TRAPPC10: variants seen among roughly 807,000 people sequenced by gnomAD.
The protein encoded by TRAPPC10 is trafficking protein particle complex subunit 10.
A neutral mutation model predicts 125.5 loss-of-function variants in TRAPPC10; 23 were observed. The ratio of observed to expected loss-of-function variants is 0.18; its 90% CI spans 0.13 to 0.26. The LOEUF (loss-of-function observed/expected upper bound fraction) is 0.26, where lower values mean the gene tolerates loss of function less well. Among genes scored for constraint, TRAPPC10 ranks in the 10% least tolerant of loss-of-function variants. The probability of loss-of-function intolerance (pLI) is 1.00; values close to 1 mark genes in which losing one functional copy is unlikely to be tolerated. For missense variants in TRAPPC10, 1,123 were observed against 1,308.4 expected (o/e 0.86, Z 2.19); for synonymous variants, 509 against 518.0 (o/e 0.98, Z 0.24).
intron 7 of TRAPPC10, among the ~76,000 whole-genome samples, chr21:44,071,155 T>C (rs2036837182): frequency 1.3e-5 from 2 of 152,226 alleles, no homozygotes; most frequent in South Asian, 4.1e-4. Context: ...GATTTCATTA[T>C]ATGAAGTTCA....
intron 2 of TRAPPC10, among the ~76,000 whole-genome samples, chr21:44,035,989 T>C (rs926259009): frequency 6.6e-6 from 1 of 151,880 alleles, no homozygotes; most frequent in African/African-American, 2.4e-5. Context: ...TGGGAGAGCA[T>C]GGAGGAAAAG....
chr21:44,042,319 A>G (rs1362533103), intron 3 of TRAPPC10, among the ~76,000 whole-genome samples: 1 of 152,012 alleles, frequency 6.6e-6, no homozygotes, highest in African/African-American at 2.4e-5. Flanking sequence ...CTTTAAATAT[A>G]TCCCATTGTT....
rs76966980 is a variant in TRAPPC10 at position 44,042,052 on chromosome 21, C to T, written c.285+4125C>T. On this transcript the variant is annotated intron_variant, in intron 3 of 22. Transcript: ENST00000291574. ...TATTTTGTATATTTGTGCTTTCTCT[C>T]TTTCTTCCTTGATTAAATTAGCTAG... 2.7e-3 allele frequency among the ~76,000 whole-genome samples: 418 copies of T among 152,300 alleles called. 2 individuals are homozygous for T. The highest frequency in any genetic ancestry group is 9.7e-3 in the African/African-American group (402 of 41,574).
chr21:44,034,897 A>G (rs2238712), intron 2 of TRAPPC10, among the ~76,000 whole-genome samples: 51,547 of 152,110 alleles, frequency 0.34, 13,060 homozygotes, highest in African/African-American at 0.71. Context: ...CTGGGAGAGA[A>G]GCAAGGAACC....
At chr21:44,057,383 T>G (rs1555942558) in intron 5 of TRAPPC10, among the ~76,000 whole-genome samples, 1 of 151,872 alleles carries the variant, frequency 6.6e-6, no homozygotes, top group Non-Finnish European at 1.5e-5. Flanking sequence ...CACTGCAACC[T>G]CCATCTCCCA....
intron 6 of TRAPPC10, among the ~76,000 whole-genome samples, chr21:44,061,276 A>G (rs1046849972): frequency 7.2e-5 from 11 of 152,044 alleles, no homozygotes; most frequent in Non-Finnish European, 1.5e-4. Context: ...AGCTGCGACT[A>G]CAGGTGCCCG....
chr21:44,063,106 T>C lies in TRAPPC10; in HGVS notation c.791-432T>C, dbSNP rs2036178560. ...GAGTTAGGGAAATAAGGAAGGAATA[T>C]GTAATCTAAGGAAGACCAAAAAACA... On this transcript the variant is annotated intron_variant, in intron 6 of 22. Coordinates refer to ENST00000291574, the MANE Select transcript of TRAPPC10 (RefSeq NM_003274.5). This position sits in a 1 kb window ranked among gnomAD's most constrained non-coding sequence, Gnocchi z 4.4. 1 of 1,304,762 alleles carries C rather than the reference T, an allele frequency of 7.7e-7. No individual in the cohort carries two copies. The highest frequency in any genetic ancestry group is 1.0e-6 in the Non-Finnish European group (1 of 989,874). The allele number at this position is 1,304,762 out of a possible 1,614,324, so 80.8% of individuals were successfully genotyped here.
At chr21:44,062,522 T>G in intron 6 of TRAPPC10, 2 of 984,498 alleles carry the variant, frequency 2.0e-6, no homozygotes, top group Non-Finnish European at 2.4e-6. Flanking sequence ...AATGTGGGAG[T>G]GCCCCGTGAG....
rs2033626833 is a variant in TRAPPC10, at chr21:44,032,162, G to A, written c.139G>A (p.Glu47Lys). 2 of 1,613,578 alleles carry A rather than the reference G, an allele frequency of 1.2e-6. No homozygotes were observed. The highest frequency in any genetic ancestry group is 1.7e-6 in the Non-Finnish European group (2 of 1,179,814). Reference sequence around the variant, plus strand: ...TCAGCAGCTTCCAAGAGAACCAATGGAATGGAGAAGGTATGAGTTGTGTGT... The same window carrying A: ...TCAGCAGCTTCCAAGAGAACCAATGAAATGGAGAAGGTATGAGTTGTGTGT... ...LSQQLPREPM[E>K]WRRSYGRAPK... Residue 47 changes from glutamate (E) to lysine (K), a missense_variant, in exon 2 of 23, where the codon GAA becomes AAA. Physicochemically the swap from Glu to Lys is moderately conservative, Grantham distance 56. Coordinates refer to ENST00000291574, the MANE Select transcript of TRAPPC10 (RefSeq NM_003274.5).
chr21:44,070,159 CAT>C (rs1231645710), intron 7 of TRAPPC10, among the ~76,000 whole-genome samples: 1 of 152,104 alleles, frequency 6.6e-6, no homozygotes, highest in Non-Finnish European at 1.5e-5. Context: ...ACCTAGGACT[CAT>C]GTACCTTCCA....
rs935986834 is a variant in TRAPPC10 at position 44,052,398 on chromosome 21, A to G, written c.404A>G (p.Lys135Arg). The G allele has an allele frequency of 2.5e-6, 4 of 1,614,088 alleles. No homozygotes were observed. Among genetic ancestry groups the G allele is most frequent in the East Asian group, 4.5e-5 (2 of 44,890 alleles). Residue 135 changes from lysine (K) to arginine (R), a missense_variant, in exon 4 of 23, where the codon AAA becomes AGA. Physicochemically the swap from Lys to Arg is conservative, Grantham distance 26. This residue lies in a region of TRAPPC10 where 177 missense variants were observed against 228.9 expected (regional missense o/e 0.77). Transcript: ENST00000291574. The stretch of plus-strand genomic sequence containing the variant: ...ATAGTTGAAAATGATGCCAAGAAAA[A>G]AAACAAAACCAACATCCTTCCCCGA... The part of the protein sequence containing the change: ...IVIVENDAKK[K>R]NKTNILPRTS...
intron 6 of TRAPPC10, chr21:44,062,907 T>A (rs2036163428): frequency 2.4e-6 from 3 of 1,230,772 alleles, no homozygotes; most frequent in African/African-American, 1.6e-5. Context: ...GACTTGTTAT[T>A]ATACATTGTT....
At chr21:44,079,836 A>G (rs2146076866) in intron 12 of TRAPPC10, 132 bp downstream of exon 12, 1 of 1,121,676 alleles carries the variant, frequency 8.9e-7, no homozygotes, top group Non-Finnish European at 1.3e-6. Context: ...TGTATTGTAT[A>G]GAAAATGAAT....
rs779906567 is a variant in TRAPPC10, at chr21:44,082,901, T to C, written c.1837T>C (p.Tyr613His). 2 of 1,614,174 alleles carry C rather than the reference T, an allele frequency of 1.2e-6. No individual in the cohort carries two copies. Residue 613 changes from tyrosine (Y) to histidine (H), a missense_variant, in exon 14 of 23, where the codon TAC becomes CAC. Physicochemically the swap from Tyr to His is moderately conservative, Grantham distance 83. Around this residue, in one of 4 missense-constraint regions of TRAPPC10, gnomAD observed 840 missense variants for 902.0 expected, o/e 0.93. Coordinates refer to ENST00000291574, the MANE Select transcript of TRAPPC10 (RefSeq NM_003274.5). The surrounding 1 kb of genome is among the most constrained non-coding windows in gnomAD (Gnocchi z 4.4). ...CGTTTTGTGCGTTGAGATAACCATG[T>C]ACAGCCAGATGCCTGTGCCTGTTCA... ...GGVLCVEITM[Y>H]SQMPVPVHVE...
At chr21:44,040,873 C>A (rs1265702307) in intron 3 of TRAPPC10, among the ~76,000 whole-genome samples, 1 of 152,006 alleles carries the variant, frequency 6.6e-6, no homozygotes, top group East Asian at 1.9e-4. Flanking sequence ...GCCTCAGTCC[C>A]CTGAAGTGCT....
intron 1 of TRAPPC10, among the ~76,000 whole-genome samples, chr21:44,019,064 C>CTT (rs199681431): frequency 1.3e-5 from 2 of 148,692 alleles, no homozygotes; most frequent in Non-Finnish European, 3.0e-5. Flanking sequence ...ATTACAGGGT[C>CTT]TTTTTTTTTT....
At chr21:44,029,207 G>C (rs1202498420) in intron 1 of TRAPPC10, among the ~76,000 whole-genome samples, 1 of 152,102 alleles carries the variant, frequency 6.6e-6, no homozygotes, top group Non-Finnish European at 1.5e-5. Context: ...CCATTCTCCT[G>C]CCTCAGCCTC....
In TRAPPC10 at chr21:44,063,303, C is replaced by A; in HGVS notation, c.791-235C>A. ...CTTCCCAACCTGTTCAGCTCCCGCC[C>A]ATGACTTTCTGGGCATGGTAGGGTG... On this transcript the variant is annotated intron_variant, in intron 6 of 22. Coordinates refer to ENST00000291574, the MANE Select transcript of TRAPPC10 (RefSeq NM_003274.5). The surrounding 1 kb of genome is among the most constrained non-coding windows in gnomAD (Gnocchi z 4.4). 8.5e-7 allele frequency: 1 copy of A among 1,181,566 alleles called. No homozygotes were observed. The highest frequency in any genetic ancestry group is 1.1e-6 in the Non-Finnish European group (1 of 889,636). 73.2% of individuals were successfully genotyped at this position (1,181,566 alleles called of 1,614,324 possible).
chr21:44,015,593 A>G (rs1417716045), intron 1 of TRAPPC10, among the ~76,000 whole-genome samples: 2 of 150,396 alleles, frequency 1.3e-5, no homozygotes, highest in Admixed American at 6.6e-5. Flanking sequence ...TTTTAATAAT[A>G]TTTTGAAGCT....
Sources: gnomAD v4.1 joint callset for allele counts (sites outside exome capture counted in the v4.1 genomes callset) on GRCh38, gnomAD v4.1.1 for gene constraint, gnomAD v4.1.1 regional missense constraint, Gnocchi (gnomAD v3.1) non-coding constraint, MANE v1.5 for transcripts, NCBI Gene and HGNC (gene_info 2026-07-23, HGNC 2026-07-21) for gene names.